Variants in PTPRD observed in about 807,000 individuals in gnomAD.
PTPRD encodes receptor-type tyrosine-protein phosphatase delta.
In PTPRD, 34 loss-of-function variants were observed where a neutral mutation model predicts 214.5. The ratio of observed to expected loss-of-function variants is 0.16; its 90% CI spans 0.12 to 0.21. The LOEUF (loss-of-function observed/expected upper bound fraction) is 0.21. Ranked by LOEUF, PTPRD falls within the 10% of genes least tolerant of loss-of-function variation. PTPRD has a pLI of 1.00. For missense variants in PTPRD, 2,545 were observed against 2,398.7 expected, an observed-to-expected ratio of 1.06 and a Z score of -1.27; for synonymous variants, 1,128 against 845.7, an observed-to-expected ratio of 1.33 and a Z score of -5.79.
At chr9:9,667,724 A>G (rs773983703) in intron 7 of PTPRD, among the ~76,000 whole-genome samples, 2 of 152,138 alleles carry the variant, frequency 1.3e-5, no homozygotes, top group Non-Finnish European at 1.5e-5. Context: ...ACCAAGCATT[A>G]GCGTACCTCT....
chr9:9,198,716 G>C (rs2099940118), intron 9 of PTPRD, among the ~76,000 whole-genome samples: 1 of 152,132 alleles, frequency 6.6e-6, no homozygotes, highest in African/African-American at 2.4e-5. Flanking sequence ...AAATGAAGTG[G>C]ATAGATGCCT....
chr9:8,339,681 A>G (rs1850560779), intron 42 of PTPRD, among the ~76,000 whole-genome samples: 1 of 152,062 alleles, frequency 6.6e-6, no homozygotes, highest in African/African-American at 2.4e-5. Context: ...AATTTACACA[A>G]AGAAGACAGA....
chr9:9,822,562 A>T (rs1210471878), intron 5 of PTPRD, among the ~76,000 whole-genome samples: 1 of 149,606 alleles, frequency 6.7e-6, no homozygotes, highest in Non-Finnish European at 1.5e-5. Flanking sequence ...AAATAGTATC[A>T]TATCATCCAT....
intron 7 of PTPRD, among the ~76,000 whole-genome samples, chr9:9,683,917 C>T (rs188162909): frequency 6.6e-6 from 1 of 151,624 alleles, no homozygotes; most frequent in Non-Finnish European, 1.5e-5. Flanking sequence ...TATATGACTC[C>T]AGCAACCCAA....
chr9:8,445,868 C>T (rs1263482358), intron 34 of PTPRD, among the ~76,000 whole-genome samples: 8 of 152,090 alleles, frequency 5.3e-5, no homozygotes, highest in Non-Finnish European at 1.5e-5. Context: ...TTGCCACTAA[C>T]GAACTAGTGG....
rs530177482 is a variant in PTPRD, at chr9:9,218,524, T to C, written c.-202-35161A>G. On this transcript the variant is annotated intron_variant, in intron 9 of 45. Coordinates refer to ENST00000381196, the MANE Select transcript of PTPRD (RefSeq NM_002839.4). Reference sequence around the variant, plus strand: ...TATAAATAGGTCTGACAATTTTAGGTACAGAAAGGACACTGGTGTTTTTAC... The same window carrying C: ...TATAAATAGGTCTGACAATTTTAGGCACAGAAAGGACACTGGTGTTTTTAC... 4.6e-5 allele frequency among the ~76,000 whole-genome samples: 7 copies of C among 152,224 alleles called. No homozygotes were observed. The South Asian group carries it at 1.0e-3, about 23-fold the overall frequency.
intron 9 of PTPRD, among the ~76,000 whole-genome samples, chr9:9,225,423 T>C (rs2099958803): frequency 6.6e-6 from 1 of 151,972 alleles, no homozygotes. Flanking sequence ...GAACACTATA[T>C]AAGAAGATGA....
chr9:9,871,241 A>G (rs2065333214), intron 5 of PTPRD, among the ~76,000 whole-genome samples: 1 of 152,214 alleles, frequency 6.6e-6, no homozygotes, highest in Non-Finnish European at 1.5e-5. Flanking sequence ...ACAAGAGAGT[A>G]AGTATGGATA....
intron 2 of PTPRD, among the ~76,000 whole-genome samples, chr9:10,357,434 A>T (rs529450412): frequency 1.3e-3 from 192 of 152,308 alleles, no homozygotes; most frequent in African/African-American, 4.2e-3. Context: ...TACTTGATGC[A>T]TGTCAAACAG....
In PTPRD at chr9:8,377,061, T is replaced by C. The variant is rs2134953214; in HGVS notation, c.4387-335A>G. Among the ~76,000 whole-genome samples, 3 of 152,266 alleles carry C rather than the reference T, an allele frequency of 2.0e-5. 1 individual carries two copies. The South Asian group carries it at 6.2e-4, about 32-fold the overall frequency. On this transcript the variant is annotated intron_variant, in intron 37 of 45. Coordinates refer to ENST00000381196, the MANE Select transcript of PTPRD (RefSeq NM_002839.4). ...AACAAATTTGTCCTGGGATAGACGT[T>C]ATGAATCACATCGGGAGGATGACAC...
intron 2 of PTPRD, among the ~76,000 whole-genome samples, chr9:10,582,977 G>A (rs922098332): frequency 2.0e-5 from 3 of 152,174 alleles, no homozygotes; most frequent in Non-Finnish European, 4.4e-5. Context: ...TTTGATAGAA[G>A]AAAGAGCATG....
intron 10 of PTPRD, among the ~76,000 whole-genome samples, chr9:9,151,927 C>T (rs2099877136): frequency 6.6e-6 from 1 of 152,186 alleles, no homozygotes; most frequent in African/African-American, 2.4e-5. Flanking sequence ...TGTTTTCTGA[C>T]CTACCTGTGA....
chr9:9,831,209 A>G (rs1570592), intron 5 of PTPRD, among the ~76,000 whole-genome samples: 15,219 of 151,954 alleles, frequency 0.1, 2,319 homozygotes, highest in East Asian at 0.75. Context: ...GATAGCATAA[A>G]TACAGTGAAC....
intron 6 of PTPRD, among the ~76,000 whole-genome samples, chr9:9,750,938 C>T (rs558539978): frequency 6.6e-6 from 1 of 152,156 alleles, no homozygotes; most frequent in Non-Finnish European, 1.5e-5. Flanking sequence ...CAGTTGGCTT[C>T]ACATGTCGCA....
intron 3 of PTPRD, among the ~76,000 whole-genome samples, chr9:10,238,764 A>G (rs1277795960): frequency 6.6e-6 from 1 of 151,954 alleles, no homozygotes; most frequent in Non-Finnish European, 1.5e-5. Context: ...TTTGTTAATT[A>G]TGAGTTTTGA....
intron 9 of PTPRD, among the ~76,000 whole-genome samples, chr9:9,354,431 C>T (rs537745714): frequency 6.6e-6 from 1 of 151,680 alleles, no homozygotes; most frequent in East Asian, 1.9e-4. Flanking sequence ...TTTTATCATA[C>T]CTACAGAGAT....
intron 9 of PTPRD, among the ~76,000 whole-genome samples, chr9:9,196,174 T>G (rs1344900528): frequency 6.6e-6 from 1 of 152,192 alleles, no homozygotes; most frequent in East Asian, 1.9e-4. Flanking sequence ...TGGGGGTACA[T>G]TGTGAAACTC....
chr9:8,970,714 T>C (rs1174234598), intron 11 of PTPRD, among the ~76,000 whole-genome samples: 2 of 151,840 alleles, frequency 1.3e-5, no homozygotes, highest in Non-Finnish European at 2.9e-5. Context: ...TTAGAAACTC[T>C]TTCAAAACCA....
intron 5 of PTPRD, among the ~76,000 whole-genome samples, chr9:9,880,411 T>C (rs969435574): frequency 3.3e-5 from 5 of 152,212 alleles, no homozygotes; most frequent in Non-Finnish European, 7.3e-5. Flanking sequence ...GTTAATGTAC[T>C]CCTCAGATGT....
Sources: allele counts gnomAD v4.1 joint callset (sites outside exome capture counted in the v4.1 genomes callset), GRCh38; gene constraint gnomAD v4.1.1; transcripts MANE v1.5; gene names NCBI Gene and HGNC (gene_info 2026-07-23, HGNC 2026-07-21).